The following SGCZ variants were observed in gnomAD, a reference collection of about 807,000 sequenced individuals.
SGCZ encodes the protein zeta-sarcoglycan.
A neutral mutation model predicts 41.3 loss-of-function variants in SGCZ; 40 were observed. That is an observed-to-expected ratio of 0.97 (90% CI 0.75 to 1.26). SGCZ has a LOEUF of 1.26. SGCZ is among the 50% of genes most tolerant of loss of function. SGCZ has a pLI of 0.00. For missense variants in SGCZ, 552 were observed against 369.8 expected, an observed-to-expected ratio of 1.49 and a Z score of -4.04; for synonymous variants, 206 against 137.5, an observed-to-expected ratio of 1.50 and a Z score of -3.49.
Position 14,669,385 on chromosome 8 carries a change from G to GTAAGTAAGTAAGTAAA in SGCZ, c.40-114460_40-114459insTTTACTTACTTACTTA, listed in dbSNP as rs1465447907. Reference sequence around the variant, plus strand: ...AGTAAGTAAGTAAGTAAGTAAGTAAGTAAATAAATAAATAAATAAATAAAT... The same window carrying GTAAGTAAGTAAGTAAA: ...AGTAAGTAAGTAAGTAAGTAAGTAAGTAAGTAAGTAAGTAAATAAATAAATAAATAAATAAATAAAT... On this transcript the variant is annotated intron_variant, in intron 1 of 7. Transcript: ENST00000382080. 1.8e-3 allele frequency among the ~76,000 whole-genome samples: 97 copies of GTAAGTAAGTAAGTAAA among 55,108 alleles called. 1 individual carries two copies. The highest frequency in any genetic ancestry group is 0.015 in the African/African-American group (92 of 6,204). The allele number at this position is 55,108 out of a possible 152,430, so 36.2% of individuals were successfully genotyped here. A position where few individuals can be genotyped will look rare whatever the true frequency, so the allele number is the denominator to read the frequency against.
chr8:15,234,804 T>C (rs1802071510), intron 1 of SGCZ, among the ~76,000 whole-genome samples: 1 of 152,158 alleles, frequency 6.6e-6, no homozygotes, highest in African/African-American at 2.4e-5. Context: ...GAAAATAGTT[T>C]ATCCCAAATA....
At chr8:14,923,651 T>G (rs1388601389) in intron 1 of SGCZ, among the ~76,000 whole-genome samples, 3 of 152,212 alleles carry the variant, frequency 2.0e-5, no homozygotes, top group Non-Finnish European at 4.4e-5. Flanking sequence ...TAAAGTACAT[T>G]GGAAACATAA....
At chr8:14,397,260 T>C (rs1798945294) in intron 2 of SGCZ, among the ~76,000 whole-genome samples, 1 of 152,098 alleles carries the variant, frequency 6.6e-6, no homozygotes, top group Non-Finnish European at 1.5e-5. Context: ...GTAAATTTGA[T>C]AAAAGTTAAG....
At chr8:14,335,581 G>C (rs1257123452) in intron 2 of SGCZ, among the ~76,000 whole-genome samples, 3 of 152,136 alleles carry the variant, frequency 2.0e-5, no homozygotes, top group African/African-American at 7.2e-5. Context: ...GTCACAGACA[G>C]ACATACCTTT....
At chr8:14,449,944 TATAATGTG>T (rs1167297339) in intron 2 of SGCZ, among the ~76,000 whole-genome samples, 4 of 152,200 alleles carry the variant, frequency 2.6e-5, no homozygotes, top group South Asian at 4.1e-4. Context: ...ATATAGACAA[TATAATGTG>T]AAGAATACAA....
intron 1 of SGCZ, among the ~76,000 whole-genome samples, chr8:14,708,683 A>C (rs1232115730): frequency 6.6e-6 from 1 of 152,130 alleles, no homozygotes; most frequent in African/African-American, 2.4e-5. Flanking sequence ...AAGTATTAAC[A>C]AACATACTAC....
chr8:14,582,923 G>A lies in SGCZ; in HGVS notation c.40-27997C>T, dbSNP rs551758963. The stretch of plus-strand genomic sequence containing the variant: ...CAGTCTATCATTGTTGGACATTTGG[G>A]TTGGTTCCAAGTCTTTGCTATGGTG... On this transcript the variant is annotated intron_variant, in intron 1 of 7. Coordinates refer to ENST00000382080, the MANE Select transcript of SGCZ (RefSeq NM_139167.4). Among the ~76,000 whole-genome samples the A allele has an allele frequency of 7.9e-5, 12 of 151,912 alleles. No individual in the cohort carries two copies. In the South Asian group the frequency reaches 2.1e-3, roughly 26 times the overall value.
chr8:14,259,379 C>G (rs1294287306), intron 3 of SGCZ, among the ~76,000 whole-genome samples: 1 of 151,522 alleles, frequency 6.6e-6, no homozygotes, highest in Non-Finnish European at 1.5e-5. Context: ...ACATGAAGTC[C>G]TTGCCCATGC....
At chr8:15,018,286 TAAAC>T (rs1412462802) in intron 1 of SGCZ, among the ~76,000 whole-genome samples, 1 of 152,020 alleles carries the variant, frequency 6.6e-6, no homozygotes, top group Non-Finnish European at 1.5e-5. Context: ...AGATCAAAAA[TAAAC>T]AAGACAGCTT....
intron 1 of SGCZ, among the ~76,000 whole-genome samples, chr8:14,851,132 G>A (rs1181959734): frequency 6.6e-6 from 1 of 152,054 alleles, no homozygotes; most frequent in African/African-American, 2.4e-5. Context: ...CACTTTGGGA[G>A]GCCAAGGCGG....
At chr8:14,507,381 C>T (rs914066181) in intron 2 of SGCZ, among the ~76,000 whole-genome samples, 9 of 152,102 alleles carry the variant, frequency 5.9e-5, no homozygotes, top group Non-Finnish European at 1.3e-4. Context: ...CTAATACATC[C>T]CTTTTCTTTC....
At chr8:15,126,522 G>C (rs1314669003) in intron 1 of SGCZ, among the ~76,000 whole-genome samples, 1 of 152,132 alleles carries the variant, frequency 6.6e-6, no homozygotes, top group Non-Finnish European at 1.5e-5. Flanking sequence ...CTTGTGTGTT[G>C]GAGTAGACAG....
intron 1 of SGCZ, among the ~76,000 whole-genome samples, chr8:14,902,174 G>A (rs1451401532): frequency 1.3e-5 from 2 of 152,034 alleles, no homozygotes; most frequent in African/African-American, 2.4e-5. Context: ...TTTCATTTCT[G>A]GAGGGTTCAT....
chr8:14,687,727 G>T (rs907001741), intron 1 of SGCZ, among the ~76,000 whole-genome samples: 1 of 151,458 alleles, frequency 6.6e-6, no homozygotes, highest in Non-Finnish European at 1.5e-5. Context: ...AGATGGCTGG[G>T]TCAAATGGTA....
At position 15,071,279 on chromosome 8, in the gene SGCZ, T is replaced by A. The variant is rs186667595; in HGVS notation, c.39+166306A>T. Among the ~76,000 whole-genome samples the A allele has an allele frequency of 2.6e-5, 4 of 152,344 alleles. No individual in the cohort carries two copies. The East Asian group carries it at 7.7e-4, about 29-fold the overall frequency. ...GTTAGGTTTACAGGAAAAGACTGTG[T>A]GTTTGTTGTTTAATCTGAACAATTA... On this transcript the variant is annotated intron_variant, in intron 1 of 7. Coordinates refer to ENST00000382080, the MANE Select transcript of SGCZ (RefSeq NM_139167.4).
intron 1 of SGCZ, among the ~76,000 whole-genome samples, chr8:15,174,071 A>G (rs77975675): frequency 0.022 from 3,298 of 152,262 alleles, 110 homozygotes; most frequent in African/African-American, 0.076. Flanking sequence ...AAGGGCCGTC[A>G]TTGATCATGC....
intron 1 of SGCZ, among the ~76,000 whole-genome samples, chr8:14,668,383 C>A (rs1386467077): frequency 6.6e-6 from 1 of 152,148 alleles, no homozygotes; most frequent in African/African-American, 2.4e-5. Flanking sequence ...TACTCCACTT[C>A]ATTTGATTAC....
chr8:14,990,093 T>A (rs895320620), intron 1 of SGCZ, among the ~76,000 whole-genome samples: 1 of 152,144 alleles, frequency 6.6e-6, no homozygotes, highest in Non-Finnish European at 1.5e-5. Context: ...AAAATCATGG[T>A]CAAACGTTGC....
chr8:14,739,955 T>C lies in SGCZ; in HGVS notation c.40-185029A>G, dbSNP rs139898936. On this transcript the variant is annotated intron_variant, in intron 1 of 7. Coordinates refer to ENST00000382080, the MANE Select transcript of SGCZ (RefSeq NM_139167.4). ...TTTAGTTCTTATATAATAAACAACA[T>C]CTGCATATGGAAATGGTCTCCCTAG... Among the ~76,000 whole-genome samples, 1,278 of 152,098 alleles carry C rather than the reference T, an allele frequency of 8.4e-3. 12 individuals are homozygous for C. Among genetic ancestry groups the C allele is most frequent in the Non-Finnish European group, 0.013 (858 of 67,958 alleles).
Sources: allele counts gnomAD v4.1 joint callset (sites outside exome capture counted in the v4.1 genomes callset), GRCh38; gene constraint gnomAD v4.1.1; transcripts MANE v1.5; gene names NCBI Gene and HGNC (gene_info 2026-07-23, HGNC 2026-07-21).